CDH17: variants seen among roughly 807,000 people sequenced by gnomAD.
CDH17 encodes cadherin-17.
Under a neutral mutation model 86.3 loss-of-function variants are expected in CDH17, and 67 were observed. The ratio of observed to expected loss-of-function variants is 0.78; its 90% CI spans 0.64 to 0.95. The LOEUF (loss-of-function observed/expected upper bound fraction) is 0.95. CDH17 is among the 40% of genes least tolerant of loss of function. The pLI, the probability that CDH17 is intolerant of heterozygous loss-of-function variation, is 0.00. For synonymous variants in CDH17, 367 were observed against 366.4 expected (o/e 1.00, Z -0.02); for missense variants, 993 against 1,017.6 (o/e 0.98, Z 0.33).
intron 15 of CDH17, among the ~76,000 whole-genome samples, chr8:94,132,925 T>C (rs532720891): frequency 2.0e-5 from 3 of 152,358 alleles, no homozygotes; most frequent in African/African-American, 7.2e-5. Flanking sequence ...AAATAGGGAA[T>C]CCTTTCCCCA....
intron 10 of CDH17, 80 bp downstream of exon 10, chr8:94,165,681 C>T: frequency 1.1e-6 from 1 of 932,860 alleles, no homozygotes; most frequent in East Asian, 2.4e-5. Flanking sequence ...TATAACATAC[C>T]AGACATTAGC....
chr8:94,141,298 T>C (rs372549274), intron 15 of CDH17, among the ~76,000 whole-genome samples: 63 of 149,908 alleles, frequency 4.2e-4, no homozygotes, highest in African/African-American at 1.4e-3. Context: ...CAAATAGGAA[T>C]AAAAGGCAAA....
intron 1 of CDH17, chr8:94,202,172 G>T (rs1813927614): frequency 1.5e-5 from 2 of 134,804 alleles, no homozygotes; most frequent in African/African-American, 5.5e-5. Context: ...TGCTGGTATC[G>T]ATTTTTTTTT....
intron 9 of CDH17, among the ~76,000 whole-genome samples, chr8:94,166,662 A>AT (rs1377442086): frequency 6.6e-6 from 1 of 152,174 alleles, no homozygotes; most frequent in African/African-American, 2.4e-5. Context: ...ACCTTCACAG[A>AT]TGTCACTAGT....
chr8:94,180,962 A>G (rs1323711972), intron 3 of CDH17, among the ~76,000 whole-genome samples: 2 of 150,268 alleles, frequency 1.3e-5, no homozygotes, highest in African/African-American at 4.9e-5. Context: ...AAAAAAAAAC[A>G]AAGTGCTGAA....
intron 15 of CDH17, among the ~76,000 whole-genome samples, chr8:94,141,918 C>A (rs898810087): frequency 2.6e-5 from 4 of 151,980 alleles, no homozygotes; most frequent in African/African-American, 9.7e-5. Context: ...TGAAAAAGAA[C>A]AAAGTCGGAA....
chr8:94,155,700 C>T (rs999625797), intron 12 of CDH17, among the ~76,000 whole-genome samples: 1 of 152,182 alleles, frequency 6.6e-6, no homozygotes, highest in Admixed American at 6.5e-5. Flanking sequence ...GAACTTCATC[C>T]TTGACTAACA....
intron 15 of CDH17, among the ~76,000 whole-genome samples, chr8:94,137,201 T>C (rs1415186414): frequency 1.3e-5 from 2 of 152,222 alleles, no homozygotes; most frequent in Non-Finnish European, 2.9e-5. Context: ...TGTTTAAGTC[T>C]GCAGAAGTTA....
At chr8:94,207,506 C>T (rs370233847) in intron 1 of CDH17, among the ~76,000 whole-genome samples, 2 of 152,164 alleles carry the variant, frequency 1.3e-5, no homozygotes, top group South Asian at 4.1e-4. Flanking sequence ...CATATGGCCC[C>T]GTAACTCACT....
At chr8:94,199,063 ATATATATATATATATATATATTTTTTT>A (rs1158426953) in intron 1 of CDH17, among the ~76,000 whole-genome samples, 10 of 21,228 alleles carry the variant, frequency 4.7e-4, no homozygotes, top group Non-Finnish European at 5.6e-4. Flanking sequence ...ATATATATAT[ATATATATATATATATATATATTTTTTT>A]TTTTTTATCA....
At chr8:94,193,001 G>A (rs1409471458) in intron 2 of CDH17, among the ~76,000 whole-genome samples, 1 of 152,158 alleles carries the variant, frequency 6.6e-6, no homozygotes, top group African/African-American at 2.4e-5. Flanking sequence ...TTGGGAGGAG[G>A]TAGGAGAGAG....
chr8:94,152,018 G>T lies in CDH17; in HGVS notation c.1646C>A (p.Ser549Tyr), dbSNP rs374501409. 15 of 1,614,062 alleles carry T rather than the reference G, an allele frequency of 9.3e-6. No homozygotes were observed. The highest frequency in any genetic ancestry group is 2.2e-5 in the East Asian group (1 of 44,880). ...LVFGVKYNAS[S>Y]FAKFTLIVTD... ...CACAATAAGCGTGAACTTGGCAAAA[G>T]AACTTGCATTGTACTTCACACCAAA... The change falls in exon 13 of 18, where the codon TCT (serine) becomes TAT (tyrosine). Residue 549 changes from serine to tyrosine, a missense_variant. Coordinates refer to ENST00000027335, the MANE Select transcript of CDH17 (RefSeq NM_004063.4).
At chr8:94,200,403 C>T (rs1041131320) in intron 1 of CDH17, among the ~76,000 whole-genome samples, 3 of 152,004 alleles carry the variant, frequency 2.0e-5, no homozygotes, top group African/African-American at 2.4e-5. Flanking sequence ...CAACCGTCTG[C>T]GTGGAATTTT....
intron 3 of CDH17, among the ~76,000 whole-genome samples, chr8:94,178,928 C>A (rs552173120): frequency 5.1e-4 from 78 of 151,648 alleles, no homozygotes; most frequent in Non-Finnish European, 9.4e-4. Context: ...GGAGTAAGGG[C>A]CTACAGAAAA....
At chr8:94,172,138 T>C (rs1358301595) in intron 7 of CDH17, among the ~76,000 whole-genome samples, 3 of 151,728 alleles carry the variant, frequency 2.0e-5, no homozygotes, top group Admixed American at 6.6e-5. Context: ...AATTTTCCCT[T>C]GGCAGCCCCA....
chr8:94,139,685 T>C (rs1812598821), intron 15 of CDH17, among the ~76,000 whole-genome samples: 1 of 152,060 alleles, frequency 6.6e-6, no homozygotes, highest in African/African-American at 2.4e-5. Context: ...GGCAGATTAC[T>C]TGAAGCCAGG....
intron 10 of CDH17, among the ~76,000 whole-genome samples, chr8:94,163,603 A>C (rs1007518149): frequency 6.6e-6 from 1 of 152,134 alleles, no homozygotes; most frequent in African/African-American, 2.4e-5. Flanking sequence ...GTTTCCCTTA[A>C]CCCTGCCCAC....
chr8:94,137,483 A>G (rs1390366027), intron 15 of CDH17, among the ~76,000 whole-genome samples: 1 of 152,126 alleles, frequency 6.6e-6, no homozygotes, highest in Non-Finnish European at 1.5e-5. Context: ...GCCAGTTGCT[A>G]AGATCTTGGA....
At chr8:94,177,444 T>A in intron 4 of CDH17, 143 bp downstream of exon 4, 1 of 830,678 alleles carries the variant, frequency 1.2e-6, no homozygotes, top group Non-Finnish European at 1.9e-6. Flanking sequence ...GAAATGGACA[T>A]GTGAGGATTG....
Sources: gnomAD v4.1 joint callset for allele counts (sites outside exome capture counted in the v4.1 genomes callset) on GRCh38, gnomAD v4.1.1 for gene constraint, MANE v1.5 for transcripts, NCBI Gene and HGNC (gene_info 2026-07-23, HGNC 2026-07-21) for gene names.